PACC1: variants seen among roughly 807,000 people sequenced by gnomAD.
The protein encoded by PACC1 is proton activated chloride channel 1.
PACC1 carries 34 observed loss-of-function variants against 39.7 expected under a neutral mutation model. That is an observed-to-expected ratio of 0.86 (90% CI 0.65 to 1.14). PACC1 has a LOEUF of 1.14. PACC1 is among the 50% of genes most tolerant of loss of function. The pLI, the probability that PACC1 is intolerant of heterozygous loss-of-function variation, is 0.00. For synonymous variants in PACC1, 127 were observed against 160.6 expected, an observed-to-expected ratio of 0.79 and a Z score of 1.58; for missense variants, 379 against 436.4, an observed-to-expected ratio of 0.87 and a Z score of 1.17.
chr1:212,402,180 A>G (rs1279382293), intron 2 of PACC1, among the ~76,000 whole-genome samples: 1 of 152,210 alleles, frequency 6.6e-6, no homozygotes, highest in Non-Finnish European at 1.5e-5. Context: ...ATATACACCT[A>G]GGAATGGAAT....
intron 4 of PACC1, 95 bp downstream of exon 4, chr1:212,385,179 G>A (rs962165089): frequency 7.0e-7 from 1 of 1,426,240 alleles, no homozygotes; most frequent in Non-Finnish European, 9.8e-7. Flanking sequence ...TGAGTGAGTG[G>A]AAGAAGGACT....
Position 212,400,010 on chromosome 1 carries a change from A to T in PACC1, c.133+10415T>A, listed in dbSNP as rs986936883. Among the ~76,000 whole-genome samples the T allele has an allele frequency of 2.6e-5, 4 of 151,904 alleles. No individual in the cohort carries two copies. The East Asian group carries it at 7.7e-4, about 29-fold the overall frequency. On this transcript the variant is annotated intron_variant, in intron 2 of 7. Transcript: ENST00000261455. ...CAGGTGTGCGCCACCACACCTGGCT[A>T]ATTTTTTATATATTTAGTAGAAACG...
intron 2 of PACC1, among the ~76,000 whole-genome samples, chr1:212,393,027 C>T (rs937833391): frequency 1.3e-5 from 2 of 152,136 alleles, no homozygotes; most frequent in Non-Finnish European, 2.9e-5. Flanking sequence ...GACAGATCAA[C>T]AAGACAGAAA....
chr1:212,366,942 CAG>C (rs112493004), intron 7 of PACC1, among the ~76,000 whole-genome samples: 1 of 152,192 alleles, frequency 6.6e-6, no homozygotes, highest in Non-Finnish European at 1.5e-5. Context: ...AGCTATGAAA[CAG>C]TTTCCTGTAA....
intron 7 of PACC1, among the ~76,000 whole-genome samples, chr1:212,365,790 T>C (rs572988051): frequency 3.6e-4 from 55 of 152,340 alleles, no homozygotes; most frequent in African/African-American, 1.3e-3. Context: ...GAAAGAAAGC[T>C]GTTTTTCAAA....
chr1:212,374,215 C>T (rs949327412), intron 7 of PACC1, among the ~76,000 whole-genome samples: 4 of 151,786 alleles, frequency 2.6e-5, no homozygotes, highest in African/African-American at 9.7e-5. Context: ...ATATAAAACA[C>T]AATGGAATAT....
At chr1:212,382,231 G>T (rs1571645765) in intron 4 of PACC1, among the ~76,000 whole-genome samples, 1 of 152,040 alleles carries the variant, frequency 6.6e-6, no homozygotes, top group South Asian at 2.1e-4. Context: ...TTTTAGTAGA[G>T]ACGGGGTTTC....
intron 7 of PACC1, among the ~76,000 whole-genome samples, chr1:212,367,795 T>C (rs550736728): frequency 6.6e-6 from 1 of 152,264 alleles, no homozygotes; most frequent in East Asian, 1.9e-4. Context: ...CCGAATCCCC[T>C]AATTATAGGC....
intron 7 of PACC1, among the ~76,000 whole-genome samples, chr1:212,366,300 C>CT (rs35052406): frequency 0.13 from 14,290 of 107,372 alleles, 3,182 homozygotes; most frequent in African/African-American, 0.43. Flanking sequence ...GGTAAGAATA[C>CT]TTTTTTTTTT....
At chr1:212,403,144 G>T (rs772757809) in intron 2 of PACC1, among the ~76,000 whole-genome samples, 17 of 152,188 alleles carry the variant, frequency 1.1e-4, no homozygotes, top group Non-Finnish European at 1.8e-4. Flanking sequence ...CCTTTGAACA[G>T]AATACTAATT....
chr1:212,388,722 T>C (rs71646159), intron 2 of PACC1, among the ~76,000 whole-genome samples: 19,874 of 152,220 alleles, frequency 0.13, 1,638 homozygotes, highest in Middle Eastern at 0.21. Flanking sequence ...CTTCCAGAAC[T>C]GTGAGAAATA....
rs550466407 is a variant in PACC1 at position 212,385,958 on chromosome 1, C to G, written c.344-533G>C. Among the ~76,000 whole-genome samples the G allele has an allele frequency of 3.3e-5, 5 of 152,292 alleles. No homozygotes were observed. The South Asian group carries it at 1.0e-3, about 32-fold the overall frequency. ...ATGCTAAGACAGCAGCACATGGCAT[C>G]AGAGACAGACAGACTTCAGAGACAC... is the stretch of plus-strand genomic sequence containing the variant. On this transcript the variant is annotated intron_variant, in intron 3 of 7. Transcript: ENST00000261455.
intron 2 of PACC1, among the ~76,000 whole-genome samples, chr1:212,392,369 T>C (rs565591386): frequency 2.0e-5 from 3 of 152,252 alleles, no homozygotes; most frequent in African/African-American, 7.2e-5. Context: ...AGAAATAAAA[T>C]ACTTTACAGA....
chr1:212,374,991 A>G (rs1293417979), intron 7 of PACC1, among the ~76,000 whole-genome samples: 1 of 152,216 alleles, frequency 6.6e-6, no homozygotes, highest in Non-Finnish European at 1.5e-5. Flanking sequence ...CAAAGAATAT[A>G]TAACATTGAT....
At chr1:212,372,280 G>A (rs1304074536) in intron 7 of PACC1, among the ~76,000 whole-genome samples, 1 of 53,706 alleles carries the variant, frequency 1.9e-5, no homozygotes, top group Non-Finnish European at 3.5e-5. Flanking sequence ...ATGAAACTGT[G>A]TCAAAAAAAA....
chr1:212,369,562 C>T (rs1269796648), intron 7 of PACC1, among the ~76,000 whole-genome samples: 1 of 152,022 alleles, frequency 6.6e-6, no homozygotes, highest in Non-Finnish European at 1.5e-5. Context: ...GGGCAGATTG[C>T]TTGAGATCAG....
chr1:212,379,233 A>G (rs552836388), intron 5 of PACC1, among the ~76,000 whole-genome samples: 36 of 152,254 alleles, frequency 2.4e-4, no homozygotes, highest in Non-Finnish European at 3.7e-4. Flanking sequence ...GTGAGCCACC[A>G]CACCTGGCCA....
At chr1:212,405,425 C>T (rs1358819506) in intron 2 of PACC1, among the ~76,000 whole-genome samples, 1 of 152,210 alleles carries the variant, frequency 6.6e-6, no homozygotes, top group East Asian at 1.9e-4. Context: ...ACTGTGTTAA[C>T]TGTTACAAAG....
chr1:212,372,191 A>G (rs1018886025), intron 7 of PACC1, among the ~76,000 whole-genome samples: 1 of 152,014 alleles, frequency 6.6e-6, no homozygotes, highest in African/African-American at 2.4e-5. Flanking sequence ...AGGCTGAAGC[A>G]CAAGAATCAT....
Sources: gnomAD v4.1 joint callset for allele counts (sites outside exome capture counted in the v4.1 genomes callset) on GRCh38, gnomAD v4.1.1 for gene constraint, MANE v1.5 for transcripts, NCBI Gene and HGNC (gene_info 2026-07-23, HGNC 2026-07-21) for gene names.